The following KDM4A variants were observed in gnomAD, a reference collection of about 807,000 sequenced individuals.
KDM4A encodes lysine-specific demethylase 4A.
Under a neutral mutation model 127.1 loss-of-function variants are expected in KDM4A, and 23 were observed. That is an observed-to-expected ratio of 0.18 (90% CI 0.13 to 0.26). The LOEUF (loss-of-function observed/expected upper bound fraction) is 0.26, where lower values mean the gene tolerates loss of function less well. Among genes scored for constraint, KDM4A ranks in the 10% least tolerant of loss-of-function variants. KDM4A has a pLI of 1.00. For synonymous variants in KDM4A, 443 were observed against 466.5 expected (o/e 0.95, Z 0.65); for missense variants, 890 against 1,329.1 (o/e 0.67, Z 5.14).
rs1661170994 is a variant in KDM4A at position 43,693,512 on chromosome 1, T to C, written c.2376-482T>C. ...TAAAGATTAAAGAGTGAGTCAGCTA[T>C]GGAAAAAGGGAGCAGAAGGGAGAGG... On this transcript the variant is annotated intron_variant, in intron 16 of 21. Transcript: ENST00000372396. This position sits in a 1 kb window ranked among gnomAD's most constrained non-coding sequence, Gnocchi z 4.2. 6.6e-6 allele frequency among the ~76,000 whole-genome samples: 1 copy of C among 152,078 alleles called. No individual in the cohort carries two copies. Among genetic ancestry groups the C allele is most frequent in the African/African-American group, 2.4e-5 (1 of 41,396 alleles).
intron 11 of KDM4A, among the ~76,000 whole-genome samples, chr1:43,681,867 A>G (rs1282600005): frequency 1.3e-5 from 2 of 152,188 alleles, no homozygotes; most frequent in South Asian, 4.1e-4. Context: ...TAAGTAATAT[A>G]TAGGTTGGGG....
At position 43,688,877 on chromosome 1, in the gene KDM4A, G is replaced by C. The variant is rs749510494; in HGVS notation, c.1856-37G>C. 1 of 1,592,198 alleles carries C rather than the reference G, an allele frequency of 6.3e-7. No homozygotes were observed. Among genetic ancestry groups the C allele is most frequent in the South Asian group, 1.1e-5 (1 of 90,142 alleles). On this transcript the variant is annotated intron_variant, in intron 12 of 21. Coordinates refer to ENST00000372396, the MANE Select transcript of KDM4A (RefSeq NM_014663.3). This position sits in a 1 kb window ranked among gnomAD's most constrained non-coding sequence, Gnocchi z 4.4. ...TCCAGGCAGAGCCACAGATGTGCAG[G>C]GTTAGTGCTGACTCACACTTCTGTT...
In KDM4A at chr1:43,653,283, C is replaced by A. The variant is rs778538261; in HGVS notation, c.108C>A (p.Ser36=). The change falls in exon 2 of 22, where the codon TCC becomes TCA. Residue 36 remains serine, a synonymous_variant. Coordinates refer to ENST00000372396, the MANE Select transcript of KDM4A (RefSeq NM_014663.3). ...GTAGATACATTGCCTACATTGAATC[C>A]CAAGGAGCTCATCGGGCAGGGCTAG... ...NFSRYIAYIE[S]QGAHRAGLAK... is the part of the protein sequence containing the mutation. 10 of 1,612,980 alleles carry A rather than the reference C, an allele frequency of 6.2e-6. No homozygotes were observed. The Admixed American group carries it at 1.7e-4, about 27-fold the overall frequency.
intron 18 of KDM4A, among the ~76,000 whole-genome samples, 170 bp downstream of exon 18, chr1:43,695,064 C>T (rs747969488): frequency 6.6e-6 from 1 of 152,198 alleles, no homozygotes; most frequent in African/African-American, 2.4e-5. Context: ...CACTCCCTGC[C>T]TTGTACTCCA....
chr1:43,658,061 A>G (rs1341361171), intron 3 of KDM4A, among the ~76,000 whole-genome samples: 1 of 148,220 alleles, frequency 6.7e-6, no homozygotes, highest in Non-Finnish European at 1.5e-5. Flanking sequence ...CCTTTAAAGT[A>G]AAAACATAAC....
At chr1:43,702,482 C>T (rs894646588) in intron 19 of KDM4A, 11 of 152,084 alleles carry the variant, frequency 7.2e-5, no homozygotes, top group African/African-American at 2.7e-4. Flanking sequence ...TGTGAGCATC[C>T]ACATCCTTTT....
intron 5 of KDM4A, among the ~76,000 whole-genome samples, chr1:43,664,222 G>A (rs1660449858): frequency 6.6e-6 from 1 of 152,170 alleles, no homozygotes; most frequent in South Asian, 2.1e-4. Flanking sequence ...GGAGATTGAG[G>A]GAAGTGTATC....
chr1:43,662,122 TG>T (rs1180876853), intron 4 of KDM4A, among the ~76,000 whole-genome samples: 2 of 152,108 alleles, frequency 1.3e-5, no homozygotes, highest in African/African-American at 4.8e-5. Context: ...AGGATGGTCT[TG>T]AACTCCTGGG....
chr1:43,661,531 G>A (rs1660376875), intron 4 of KDM4A, among the ~76,000 whole-genome samples: 1 of 149,520 alleles, frequency 6.7e-6, no homozygotes, highest in Non-Finnish European at 1.5e-5. Context: ...GTGTGAACCC[G>A]GCGGGAGGCA....
chr1:43,671,671 T>G lies in KDM4A; in HGVS notation c.1530T>G (p.Ser510=), dbSNP rs942144181. Residue 510 remains serine (S), a synonymous_variant, in exon 11 of 22, where the codon TCT becomes TCG. Transcript: ENST00000372396. ...CAGGCTCCAAAAAGAAATCATCTTC[T>G]AGCCTGGGCTCTGGCTCTTCACGGG... is the stretch of plus-strand genomic sequence containing the variant. ...VFSGSKKKSS[S]SLGSGSSRDS... 2.5e-5 allele frequency: 40 copies of G among 1,612,880 alleles called. No individual in the cohort carries two copies. Among genetic ancestry groups the G allele is most frequent in the Non-Finnish European group, 3.2e-5 (38 of 1,179,548 alleles).
chr1:43,656,731 CTTT>C (rs769635621), intron 3 of KDM4A, among the ~76,000 whole-genome samples: 1 of 141,522 alleles, frequency 7.1e-6, no homozygotes. Context: ...ACTACTCCAT[CTTT>C]TTTTTTTTTT....
At position 43,669,302 on chromosome 1, in the gene KDM4A, T is replaced by C. The variant is rs1490890822; in HGVS notation, c.1363+3T>C. The C allele has an allele frequency of 1.9e-6, 3 of 1,614,024 alleles. No individual in the cohort carries two copies. The highest frequency in any genetic ancestry group is 1.7e-4 in the Middle Eastern group (1 of 6,058). ...TGAGGATGGTCTTACCTTCCCAGGT[T>C]AGTTGACTATGGTGTATTTTCCACA... is the stretch of plus-strand genomic sequence containing the variant. On this transcript the variant is annotated splice_donor_region_variant and intron_variant, in intron 10 of 21. Coordinates refer to ENST00000372396, the MANE Select transcript of KDM4A (RefSeq NM_014663.3).
intron 10 of KDM4A, 151 bp from the exon 11 acceptor site, chr1:43,671,354 C>G: frequency 1.4e-6 from 1 of 725,538 alleles, no homozygotes; most frequent in Non-Finnish European, 2.1e-6. Flanking sequence ...AGCAAATAGC[C>G]CTGGCTCACA....
At chr1:43,661,779 A>G (rs1660387859) in intron 4 of KDM4A, among the ~76,000 whole-genome samples, 1 of 152,104 alleles carries the variant, frequency 6.6e-6, no homozygotes, top group Non-Finnish European at 1.5e-5. Context: ...GGACCTAGTT[A>G]TGGGAGATGG....
intron 11 of KDM4A, among the ~76,000 whole-genome samples, chr1:43,673,564 G>A (rs1450804818): frequency 6.6e-6 from 1 of 151,928 alleles, no homozygotes; most frequent in Non-Finnish European, 1.5e-5. Context: ...GAATCTCAGG[G>A]TACGGTTTTG....
At chr1:43,690,633 C>CT (rs1661086491) in intron 13 of KDM4A, 2 of 602,566 alleles carry the variant, frequency 3.3e-6, no homozygotes, top group South Asian at 3.9e-5. Context: ...CAGTTGTCCC[C>CT]TAGGGGCCTT....
intron 1 of KDM4A, among the ~76,000 whole-genome samples, chr1:43,652,358 T>C (rs1340947840): frequency 6.6e-6 from 1 of 152,074 alleles, no homozygotes; most frequent in Non-Finnish European, 1.5e-5. Context: ...GAAACAATTT[T>C]CTTTTTTTTT....
chr1:43,697,229 C>G (rs1661261504), intron 18 of KDM4A, among the ~76,000 whole-genome samples: 1 of 152,210 alleles, frequency 6.6e-6, no homozygotes, highest in African/African-American at 2.4e-5. Flanking sequence ...CCTGGGCAGG[C>G]TAGCAGGCGT....
At chr1:43,656,120 C>T (rs1295957700) in intron 3 of KDM4A, among the ~76,000 whole-genome samples, 1 of 152,150 alleles carries the variant, frequency 6.6e-6, no homozygotes, top group Non-Finnish European at 1.5e-5. Context: ...TCCACTTCCT[C>T]TCTCTCGGGA....
Sources: gnomAD v4.1 joint callset for allele counts (sites outside exome capture counted in the v4.1 genomes callset) on GRCh38, gnomAD v4.1.1 for gene constraint, Gnocchi (gnomAD v3.1) non-coding constraint, MANE v1.5 for transcripts, NCBI Gene and HGNC (gene_info 2026-07-23, HGNC 2026-07-21) for gene names.